Variants in UBR3 observed in about 807,000 individuals in gnomAD.
UBR3 encodes ubiquitin protein ligase E3 component n-recognin 3.
A neutral mutation model predicts 243.2 loss-of-function variants in UBR3; 85 were observed. That is an observed-to-expected ratio of 0.35 (90% CI 0.29 to 0.42). The LOEUF (loss-of-function observed/expected upper bound fraction) is 0.42. Among genes scored for constraint, UBR3 ranks in the 10% least tolerant of loss-of-function variants. UBR3 has a pLI of 1.00. For synonymous variants in UBR3, 748 were observed against 799.8 expected (o/e 0.94, Z 1.09); for missense variants, 1,686 against 2,300.8 (o/e 0.73, Z 5.47).
Position 169,906,132 on chromosome 2 carries a change from A to C in UBR3, c.1747A>C (p.Met583Leu), listed in dbSNP as rs770456997. The C allele has an allele frequency of 6.5e-7, 1 of 1,549,810 alleles. No homozygotes were observed. Among genetic ancestry groups the C allele is most frequent in the Non-Finnish European group, 8.7e-7 (1 of 1,146,476 alleles). ...TGAACTTGAGGCCTGTGCACAGCCA[A>C]TGTGGGGGCTTTTATCACATTGTAA... ...AAELEACAQP[M>L]WGLLSHCKVR... Residue 583 changes from methionine (M) to leucine (L), a missense_variant, in exon 10 of 39, where the codon ATG becomes CTG. Physicochemically the swap from Met to Leu is conservative, Grantham distance 15. Around this residue, in one of 8 missense-constraint regions of UBR3, gnomAD observed 346 missense variants for 585.8 expected, o/e 0.59. Transcript: ENST00000272793.
At chr2:169,882,296 AT>A (rs2083910945) in intron 5 of UBR3, among the ~76,000 whole-genome samples, 1 of 139,920 alleles carries the variant, frequency 7.1e-6, no homozygotes, top group African/African-American at 2.6e-5. Flanking sequence ...TATATTGTAT[AT>A]TTATGTATAT....
At chr2:170,078,291 G>T (rs772803986) in intron 36 of UBR3, 1 of 349,806 alleles carries the variant, frequency 2.9e-6, no homozygotes, top group African/African-American at 2.3e-5. Flanking sequence ...TTGATCTGTG[G>T]CATGGCACAG....
chr2:170,046,889 C>T (rs943543264), intron 32 of UBR3, among the ~76,000 whole-genome samples: 10 of 152,046 alleles, frequency 6.6e-5, no homozygotes, highest in African/African-American at 1.9e-4. Context: ...TATTTAGTGT[C>T]CTTCAGTCCC....
intron 19 of UBR3, among the ~76,000 whole-genome samples, chr2:169,941,708 A>T (rs931722957): frequency 6.6e-6 from 1 of 152,220 alleles, no homozygotes; most frequent in Admixed American, 6.5e-5. Flanking sequence ...AAAACATAGT[A>T]TGTAGAGAGT....
At chr2:169,924,273 T>C (rs570826559) in intron 13 of UBR3, 100 bp downstream of exon 13, 1 of 889,888 alleles carries the variant, frequency 1.1e-6, no homozygotes, top group South Asian at 2.4e-5. Flanking sequence ...GCTGAGATGT[T>C]TGAAAACTTT....
chr2:169,993,955 C>T (rs1421265324), intron 25 of UBR3, among the ~76,000 whole-genome samples: 1 of 152,142 alleles, frequency 6.6e-6, no homozygotes, highest in Non-Finnish European at 1.5e-5. Flanking sequence ...CCGGACTCAG[C>T]TCTTTCTCCA....
At chr2:169,985,441 G>A (rs1427061121) in intron 24 of UBR3, among the ~76,000 whole-genome samples, 1 of 151,842 alleles carries the variant, frequency 6.6e-6, no homozygotes, top group South Asian at 2.1e-4. Flanking sequence ...TGTTGGCCAG[G>A]CTTGGTCTCA....
intron 10 of UBR3, among the ~76,000 whole-genome samples, chr2:169,906,390 A>G (rs934716365): frequency 1.3e-5 from 2 of 152,120 alleles, no homozygotes; most frequent in African/African-American, 4.8e-5. Flanking sequence ...TCGGAACTTC[A>G]TTAGTCTCCA....
At chr2:169,881,620 T>C (rs1170718191) in intron 5 of UBR3, among the ~76,000 whole-genome samples, 1 of 146,806 alleles carries the variant, frequency 6.8e-6, no homozygotes, top group African/African-American at 2.5e-5. Context: ...TTTCTTTTTT[T>C]TTTTTTTGAG....
chr2:169,957,391 G>A (rs985832426), intron 23 of UBR3, among the ~76,000 whole-genome samples: 1 of 152,064 alleles, frequency 6.6e-6, no homozygotes, highest in African/African-American at 2.4e-5. Flanking sequence ...CATAAAAAAG[G>A]ATGAGTTCAT....
At chr2:170,003,345 G>A (rs2089782209) in intron 27 of UBR3, among the ~76,000 whole-genome samples, 1 of 152,118 alleles carries the variant, frequency 6.6e-6, no homozygotes, top group Admixed American at 6.5e-5. Context: ...ATGGCATTCA[G>A]GTACTCCAGG....
At chr2:170,022,397 T>C (rs1559195026) in intron 30 of UBR3, among the ~76,000 whole-genome samples, 2 of 152,106 alleles carry the variant, frequency 1.3e-5, no homozygotes, top group Non-Finnish European at 1.5e-5. Context: ...CTTCCTCACA[T>C]GGCAGAAAAA....
chr2:170,074,972 G>A (rs981063611), intron 36 of UBR3, among the ~76,000 whole-genome samples: 6 of 152,104 alleles, frequency 3.9e-5, no homozygotes, highest in African/African-American at 7.2e-5. Flanking sequence ...GAAATAGAAC[G>A]TATTAAAGGG....
At chr2:169,890,451 T>C (rs1003232051) in intron 5 of UBR3, among the ~76,000 whole-genome samples, 1 of 150,636 alleles carries the variant, frequency 6.6e-6, no homozygotes, top group African/African-American at 2.5e-5. Flanking sequence ...CAAACTTGAA[T>C]AGGTTGTGAG....
intron 18 of UBR3, among the ~76,000 whole-genome samples, chr2:169,931,344 C>CT (rs1186548323): frequency 1.3e-5 from 1 of 79,496 alleles, no homozygotes; most frequent in African/African-American, 5.2e-5. Flanking sequence ...GAGCGAGAAT[C>CT]TGTCTTAAAA....
At chr2:170,013,771 T>G (rs1362899299) in intron 29 of UBR3, 1 of 266,868 alleles carries the variant, frequency 3.7e-6, no homozygotes, top group Non-Finnish European at 8.3e-6. Flanking sequence ...TCTGGTTAGC[T>G]CTCTTAAAAG....
At chr2:169,999,889 C>T (rs111664504) in intron 26 of UBR3, among the ~76,000 whole-genome samples, 6 of 151,934 alleles carry the variant, frequency 3.9e-5, no homozygotes, top group Non-Finnish European at 5.9e-5. Flanking sequence ...TTTGGGAGGC[C>T]GAGACGGGTG....
intron 24 of UBR3, among the ~76,000 whole-genome samples, chr2:169,974,722 T>C (rs1360692555): frequency 6.6e-6 from 1 of 152,200 alleles, no homozygotes; most frequent in Non-Finnish European, 1.5e-5. Context: ...ATTTTTGCTT[T>C]TCTGGTTCCT....
intron 27 of UBR3, among the ~76,000 whole-genome samples, chr2:170,005,695 T>C (rs1295865035): frequency 6.6e-6 from 1 of 151,812 alleles, no homozygotes; most frequent in Non-Finnish European, 1.5e-5. Context: ...TGGAGTAGAG[T>C]GGAGGCCAAA....
Sources: allele counts gnomAD v4.1 joint callset (sites outside exome capture counted in the v4.1 genomes callset), GRCh38; gene constraint gnomAD v4.1.1; regional missense constraint gnomAD v4.1.1; transcripts MANE v1.5; gene names NCBI Gene and HGNC (gene_info 2026-07-23, HGNC 2026-07-21).